SYNDIG1: variants seen among roughly 807,000 people sequenced by gnomAD.
SYNDIG1 encodes synapse differentiation-inducing gene protein 1.
A neutral mutation model predicts 19.4 loss-of-function variants in SYNDIG1; 9 were observed. The ratio of observed to expected loss-of-function variants is 0.46; its 90% CI spans 0.28 to 0.81. SYNDIG1 has a LOEUF of 0.81. Among genes scored for constraint, SYNDIG1 ranks in the 30% least tolerant of loss-of-function variants. The probability of loss-of-function intolerance (pLI) is 0.12; values close to 1 mark genes in which losing one functional copy is unlikely to be tolerated. For missense variants in SYNDIG1, 311 were observed against 343.3 expected, an observed-to-expected ratio of 0.91 and a Z score of 0.74; for synonymous variants, 141 against 145.9, an observed-to-expected ratio of 0.97 and a Z score of 0.24.
chr20:24,504,691 A>T (rs1288667151), intron 1 of SYNDIG1, among the ~76,000 whole-genome samples: 1 of 152,232 alleles, frequency 6.6e-6, no homozygotes, highest in Non-Finnish European at 1.5e-5. Context: ...TACTTCAAAG[A>T]AGGCCAGTCA....
intron 2 of SYNDIG1, among the ~76,000 whole-genome samples, chr20:24,581,194 T>C (rs2058316622): frequency 6.6e-6 from 1 of 152,098 alleles, no homozygotes; most frequent in African/African-American, 2.4e-5. Context: ...GATTCCAGAC[T>C]CCAGCAGCCA....
intron 3 of SYNDIG1, among the ~76,000 whole-genome samples, chr20:24,646,012 C>T (rs2059419467): frequency 6.6e-6 from 1 of 152,200 alleles, no homozygotes; most frequent in African/African-American, 2.4e-5. Flanking sequence ...ACAGAGCCAC[C>T]TCCATCCACC....
chr20:24,621,789 CAT>C (rs1425935369), intron 3 of SYNDIG1, among the ~76,000 whole-genome samples: 5 of 152,162 alleles, frequency 3.3e-5, no homozygotes, highest in Non-Finnish European at 7.4e-5. Flanking sequence ...AACCACAAGA[CAT>C]ATACTCTGAC....
At chr20:24,531,310 A>G (rs1482971672) in intron 1 of SYNDIG1, among the ~76,000 whole-genome samples, 2 of 152,214 alleles carry the variant, frequency 1.3e-5, no homozygotes, top group Admixed American at 6.5e-5. Flanking sequence ...CACTCTATAC[A>G]GTAACAAATC....
At chr20:24,481,334 T>C (rs1331954078) in intron 1 of SYNDIG1, among the ~76,000 whole-genome samples, 1 of 152,106 alleles carries the variant, frequency 6.6e-6, no homozygotes, top group African/African-American at 2.4e-5. Flanking sequence ...CTGGGAAGAC[T>C]CACATGGCTG....
At chr20:24,496,207 C>T (rs1600435204) in intron 1 of SYNDIG1, among the ~76,000 whole-genome samples, 1 of 152,158 alleles carries the variant, frequency 6.6e-6, no homozygotes. Flanking sequence ...AGAGGGAACC[C>T]ATCCTTCGCT....
chr20:24,583,247 G>A (rs773858013), intron 2 of SYNDIG1, among the ~76,000 whole-genome samples: 2 of 152,336 alleles, frequency 1.3e-5, no homozygotes, highest in East Asian at 1.9e-4. Context: ...GGCAAGCAGC[G>A]GGCTCGCAGC....
chr20:24,649,268 T>C (rs1380781170), intron 3 of SYNDIG1, among the ~76,000 whole-genome samples: 1 of 152,164 alleles, frequency 6.6e-6, no homozygotes, highest in Non-Finnish European at 1.5e-5. Flanking sequence ...CTGACCATCG[T>C]TTTTATGTTT....
intron 3 of SYNDIG1, among the ~76,000 whole-genome samples, chr20:24,661,606 AGGGAG>A (rs1480769565): frequency 2.0e-5 from 2 of 99,592 alleles, no homozygotes; most frequent in African/African-American, 7.7e-5. Flanking sequence ...AAAGTAAGGA[AGGGAG>A]GAGGGAGGGA....
intron 2 of SYNDIG1, among the ~76,000 whole-genome samples, chr20:24,559,114 A>T (rs752857299): frequency 1.4e-4 from 22 of 152,050 alleles, no homozygotes; most frequent in East Asian, 5.8e-4. Context: ...TGGATTTTTT[A>T]AAAATGTGGT....
chr20:24,474,502 C>T (rs1333020117), intron 1 of SYNDIG1, among the ~76,000 whole-genome samples: 1 of 152,176 alleles, frequency 6.6e-6, no homozygotes, highest in Non-Finnish European at 1.5e-5. Flanking sequence ...GATAACCTTG[C>T]CTGTTTAGTC....
At chr20:24,562,607 T>G (rs917205958) in intron 2 of SYNDIG1, among the ~76,000 whole-genome samples, 3 of 152,184 alleles carry the variant, frequency 2.0e-5, no homozygotes, top group African/African-American at 4.8e-5. Context: ...CAGATAATAA[T>G]ACAAGGGGAC....
intron 1 of SYNDIG1, among the ~76,000 whole-genome samples, chr20:24,472,276 AC>A (rs1235438283): frequency 6.6e-6 from 1 of 152,214 alleles, no homozygotes; most frequent in Non-Finnish European, 1.5e-5. Context: ...AGCAATAGGA[AC>A]AGACTCATTC....
chr20:24,501,326 A>G (rs1225134291), intron 1 of SYNDIG1, among the ~76,000 whole-genome samples: 2 of 152,224 alleles, frequency 1.3e-5, no homozygotes, highest in Non-Finnish European at 2.9e-5. Flanking sequence ...CCTCTGCAGC[A>G]TGCACAGGGC....
chr20:24,625,209 A>G (rs1351443726), intron 3 of SYNDIG1, among the ~76,000 whole-genome samples: 1 of 152,180 alleles, frequency 6.6e-6, no homozygotes, highest in Non-Finnish European at 1.5e-5. Context: ...TATAAACGGG[A>G]AAAATGTAGA....
chr20:24,561,334 T>G (rs1008223918), intron 2 of SYNDIG1, among the ~76,000 whole-genome samples: 1 of 152,184 alleles, frequency 6.6e-6, no homozygotes, highest in Non-Finnish European at 1.5e-5. Context: ...AGCTCCCCGT[T>G]AAATTCCTGG....
At chr20:24,596,278 C>T (rs1023074759) in intron 3 of SYNDIG1, among the ~76,000 whole-genome samples, 18 of 152,080 alleles carry the variant, frequency 1.2e-4, no homozygotes, top group Non-Finnish European at 2.2e-4. Flanking sequence ...AAGTGATTTT[C>T]CTTGCATTGA....
At chr20:24,531,504 A>G (rs2057259311) in intron 1 of SYNDIG1, among the ~76,000 whole-genome samples, 1 of 152,156 alleles carries the variant, frequency 6.6e-6, no homozygotes, top group South Asian at 2.1e-4. Flanking sequence ...GTTTTTCTGT[A>G]TTTCTTTATT....
chr20:24,635,515 C>A (rs2059306385), intron 3 of SYNDIG1, among the ~76,000 whole-genome samples: 2 of 152,204 alleles, frequency 1.3e-5, no homozygotes. Flanking sequence ...CCAGCGGACA[C>A]CAAGGGTCTC....
Sources: allele counts gnomAD v4.1 joint callset (sites outside exome capture counted in the v4.1 genomes callset), GRCh38; gene constraint gnomAD v4.1.1; transcripts MANE v1.5; gene names NCBI Gene and HGNC (gene_info 2026-07-23, HGNC 2026-07-21).